Variants in AGO3 observed in about 807,000 individuals in gnomAD.
AGO3 encodes argonaute RISC catalytic component 3, also known as protein argonaute-3.
A neutral mutation model predicts 105.5 loss-of-function variants in AGO3; 16 were observed. The observed-to-expected ratio is 0.15, with a 90% CI of 0.10 to 0.23. The LOEUF (loss-of-function observed/expected upper bound fraction) is 0.23. Among genes scored for constraint, AGO3 ranks in the 10% least tolerant of loss-of-function variants. AGO3 has a pLI of 1.00. For missense variants in AGO3, 534 were observed against 1,088.0 expected, an observed-to-expected ratio of 0.49 and a Z score of 7.16; for synonymous variants, 340 against 367.3, an observed-to-expected ratio of 0.93 and a Z score of 0.85.
chr1:35,930,792 G>A (rs1049249198), upstream of AGO3: 14 of 162,162 alleles, frequency 8.6e-5, no homozygotes, highest in Non-Finnish European at 1.7e-4. Context: ...TCACCCGCCG[G>A]CTCCAGGTAG....
Position 36,062,045 on chromosome 1 carries a change from A to G in AGO3, c.*6300A>G, listed in dbSNP as rs534995757. 6 of 152,202 alleles carry G rather than the reference A, an allele frequency of 3.9e-5. No individual in the cohort carries two copies. The highest frequency in any genetic ancestry group is 1.4e-4 in the African/African-American group (6 of 41,456). The allele number at this position is 152,202 out of a possible 1,614,324, so 9.4% of individuals were successfully genotyped here. On this transcript the variant is annotated 3_prime_UTR_variant, in exon 19 of 19. Transcript: ENST00000373191. ...CCAACTGTGTTGGAGGAAATCCATA[A>G]TGCACATAAAACAGCAAACCTACTT...
At chr1:36,021,092 CTGG>C (rs1641195029) in intron 11 of AGO3, among the ~76,000 whole-genome samples, 1 of 152,018 alleles carries the variant, frequency 6.6e-6, no homozygotes, top group Non-Finnish European at 1.5e-5. Context: ...GCCACCATGC[CTGG>C]CTAATTTTTT....
chr1:35,963,320 T>A (rs983917156), intron 2 of AGO3, among the ~76,000 whole-genome samples: 1 of 152,120 alleles, frequency 6.6e-6, no homozygotes. Context: ...TCACTGAAAT[T>A]GTATACAACC....
At chr1:36,021,033 A>G (rs1569825850) in intron 11 of AGO3, among the ~76,000 whole-genome samples, 2 of 152,154 alleles carry the variant, frequency 1.3e-5, no homozygotes, top group East Asian at 1.9e-4. Flanking sequence ...CCCAGGGTCA[A>G]GCAGTTCTCC....
intron 8 of AGO3, 38 bp downstream of exon 8, chr1:36,009,082 C>CATGATT: frequency 6.7e-7 from 1 of 1,489,264 alleles, no homozygotes; most frequent in Non-Finnish European, 8.8e-7. Context: ...CCCTGTTGTT[C>CATGATT]ATGATTCTTT....
At chr1:36,034,610 C>G (rs538997025) in intron 13 of AGO3, among the ~76,000 whole-genome samples, 3 of 152,290 alleles carry the variant, frequency 2.0e-5, no homozygotes, top group East Asian at 3.9e-4. Flanking sequence ...TGAAAGTACA[C>G]TCCAGAGGGT....
At chr1:35,948,911 G>A (rs1331448759) in intron 2 of AGO3, among the ~76,000 whole-genome samples, 3 of 151,568 alleles carry the variant, frequency 2.0e-5, no homozygotes, top group African/African-American at 7.3e-5. Flanking sequence ...TTTTTATCAT[G>A]TTTTTGAGTT....
chr1:35,935,613 T>G (rs925682970), intron 1 of AGO3, among the ~76,000 whole-genome samples: 11 of 152,246 alleles, frequency 7.2e-5, no homozygotes, highest in Admixed American at 7.2e-4. Flanking sequence ...CAAAGAGGCC[T>G]GGGGCCCTGT....
At position 35,958,991 on chromosome 1, in the gene AGO3, A is replaced by G. The variant is rs572975293; in HGVS notation, c.192-7964A>G. The stretch of plus-strand genomic sequence containing the variant: ...TTCATGTTGTCTTCTGTAGACTAGA[A>G]TAATATTTTTCATTCTGTCTTTTGG... On this transcript the variant is annotated intron_variant, in intron 2 of 18. Coordinates refer to ENST00000373191, the MANE Select transcript of AGO3 (RefSeq NM_024852.4). Among the ~76,000 whole-genome samples the G allele has an allele frequency of 8.5e-5, 13 of 152,326 alleles. No individual in the cohort carries two copies. The East Asian group carries it at 1.5e-3, about 18-fold the overall frequency.
intron 5 of AGO3, among the ~76,000 whole-genome samples, chr1:35,993,093 A>G (rs896643607): frequency 6.6e-6 from 1 of 152,194 alleles, no homozygotes; most frequent in Non-Finnish European, 1.5e-5. Flanking sequence ...TTTTATTTTT[A>G]TAATACCCTA....
chr1:36,002,046 G>A (rs533280311), intron 5 of AGO3, among the ~76,000 whole-genome samples: 1 of 152,226 alleles, frequency 6.6e-6, no homozygotes, highest in Non-Finnish European at 1.5e-5. Context: ...GAGACGAAAT[G>A]TCTTGCTCTG....
At chr1:35,971,161 T>A (rs988998375) in intron 3 of AGO3, among the ~76,000 whole-genome samples, 6 of 144,350 alleles carry the variant, frequency 4.2e-5, no homozygotes, top group Non-Finnish European at 4.5e-5. Flanking sequence ...TATATATTTA[T>A]TTTATTTATT....
chr1:35,941,272 C>A (rs146300598), intron 1 of AGO3, among the ~76,000 whole-genome samples: 1 of 151,822 alleles, frequency 6.6e-6, no homozygotes, highest in Admixed American at 6.6e-5. Flanking sequence ...ACATCCACAT[C>A]ACTCCCCTAA....
intron 2 of AGO3, among the ~76,000 whole-genome samples, chr1:35,962,257 T>C (rs1646690184): frequency 6.6e-6 from 1 of 152,016 alleles, no homozygotes; most frequent in African/African-American, 2.4e-5. Context: ...AAAACATACG[T>C]TACTGGCCAG....
chr1:35,981,284 T>A (rs1171662502), intron 5 of AGO3, among the ~76,000 whole-genome samples: 1 of 152,200 alleles, frequency 6.6e-6, no homozygotes, highest in East Asian at 1.9e-4. Context: ...TGGCATGAGA[T>A]GAGTTTCCCA....
Position 36,036,228 on chromosome 1 carries a change from T to C in AGO3, c.1803T>C (p.His601=), listed in dbSNP as rs149864052. Residue 601 remains histidine (H), a synonymous_variant, in exon 14 of 19, where the codon CAT becomes CAC. Coordinates refer to ENST00000373191, the MANE Select transcript of AGO3 (RefSeq NM_024852.4). ...TCTTTTTGGGAGCCGATGTCACTCA[T>C]CCACCTGCTGGTGATGGAAAGAAGC... ...PVIFLGADVT[H]PPAGDGKKPS... 1,772 of 1,614,152 alleles carry C rather than the reference T, an allele frequency of 1.1e-3. No individual in the cohort carries two copies. The highest frequency in any genetic ancestry group is 1.4e-3 in the Non-Finnish European group (1,687 of 1,179,992).
chr1:36,050,629 T>C (rs1382585497), intron 17 of AGO3, among the ~76,000 whole-genome samples: 1 of 151,342 alleles, frequency 6.6e-6, no homozygotes, highest in Non-Finnish European at 1.5e-5. Flanking sequence ...CCGTCTCTAC[T>C]AAAAATACAA....
At chr1:35,965,489 C>CAAAAA (rs1171759827) in intron 2 of AGO3, among the ~76,000 whole-genome samples, 18 of 87,222 alleles carry the variant, frequency 2.1e-4, no homozygotes, top group South Asian at 3.8e-4. Flanking sequence ...GACGCTGTCT[C>CAAAAA]AAAAAAAAAA....
chr1:36,017,871 C>G (rs1191693514), intron 11 of AGO3, among the ~76,000 whole-genome samples: 1 of 151,976 alleles, frequency 6.6e-6, no homozygotes, highest in Admixed American at 6.6e-5. Flanking sequence ...CCACTGCATC[C>G]CAGCCTGGGC....
Sources: gnomAD v4.1 joint callset for allele counts (sites outside exome capture counted in the v4.1 genomes callset) on GRCh38, gnomAD v4.1.1 for gene constraint, MANE v1.5 for transcripts, NCBI Gene and HGNC (gene_info 2026-07-23, HGNC 2026-07-21) for gene names.